BCHE: variants seen among roughly 807,000 people sequenced by gnomAD.
BCHE encodes butyrylcholinesterase, also known as cholinesterase.
A neutral mutation model predicts 51.3 loss-of-function variants in BCHE; 48 were observed. The ratio of observed to expected loss-of-function variants is 0.94; its 90% confidence interval spans 0.74 to 1.19. The LOEUF is 1.19. Ranked by LOEUF, BCHE falls within the 50% of genes most tolerant of loss-of-function variation. The pLI is 0.00. For synonymous variants in BCHE, 251 were observed against 238.0 expected (o/e 1.05, Z -0.50); for missense variants, 847 against 708.2 (o/e 1.20, Z -2.23).
chr3:165,832,426 G>T (rs2108237218), intron 1 of BCHE, among the ~76,000 whole-genome samples: 1 of 152,072 alleles, frequency 6.6e-6, no homozygotes, highest in East Asian at 1.9e-4. Context: ...CCAAGTAGCT[G>T]GGATTACAGG....
intron 2 of BCHE, among the ~76,000 whole-genome samples, chr3:165,812,363 C>T (rs1714134803): frequency 1.3e-5 from 2 of 150,346 alleles, no homozygotes; most frequent in South Asian, 2.1e-4. Flanking sequence ...AAGTATTTAT[C>T]AACATTTTTA....
chr3:165,811,156 C>T (rs1022829567), intron 2 of BCHE, among the ~76,000 whole-genome samples: 2 of 152,014 alleles, frequency 1.3e-5, no homozygotes, highest in Admixed American at 6.6e-5. Flanking sequence ...ACCCAAGAAT[C>T]GAAACTATCT....
intron 2 of BCHE, among the ~76,000 whole-genome samples, chr3:165,802,617 T>C (rs751785858): frequency 6.6e-5 from 10 of 151,104 alleles, no homozygotes; most frequent in Non-Finnish European, 1.2e-4. Flanking sequence ...ATTTTAAAAA[T>C]AGGAAAATTT....
At chr3:165,799,013 G>T (rs910023626) in intron 2 of BCHE, among the ~76,000 whole-genome samples, 2 of 152,214 alleles carry the variant, frequency 1.3e-5, no homozygotes, top group East Asian at 1.9e-4. Flanking sequence ...GTGGCTGTGG[G>T]TGACTAGCTC....
chr3:165,830,144 G>T lies in BCHE; in HGVS notation c.890C>A (p.Pro297His). The change falls in exon 2 of 4, where the codon CCC becomes CAC. Residue 297 changes from proline (P) to histidine (H), a missense_variant. Pro to His is a moderately conservative substitution (Grantham distance 77). Coordinates refer to ENST00000264381, the MANE Select transcript of BCHE (RefSeq NM_000055.4). ...EIIKCLRNKD[P>H]QEILLNEAFV... Reference sequence around the variant, plus strand: ...TGCTTCATTCAGAAGAATTTCTTGGGGATCTTTATTTCTAAGACACTTGAT... The same window carrying T: ...TGCTTCATTCAGAAGAATTTCTTGGTGATCTTTATTTCTAAGACACTTGAT... 6.2e-7 allele frequency: 1 copy of T among 1,613,832 alleles called. No individual in the cohort carries two copies. The highest frequency in any genetic ancestry group is 8.5e-7 in the Non-Finnish European group (1 of 1,179,888).
At chr3:165,777,916 A>T (rs192991275) in intron 3 of BCHE, 41 of 255,252 alleles carry the variant, frequency 1.6e-4, no homozygotes, top group Non-Finnish European at 3.1e-4. Flanking sequence ...TTACTTTATT[A>T]TAATAATATA....
intron 2 of BCHE, among the ~76,000 whole-genome samples, chr3:165,793,419 G>A (rs1713248846): frequency 6.6e-6 from 1 of 152,080 alleles, no homozygotes; most frequent in South Asian, 2.1e-4. Context: ...TACTTTAGCT[G>A]TCCTTTTTCC....
chr3:165,802,675 C>T (rs1713706864), intron 2 of BCHE, among the ~76,000 whole-genome samples: 1 of 150,870 alleles, frequency 6.6e-6, no homozygotes, highest in Non-Finnish European at 1.5e-5. Context: ...CAGAGATATA[C>T]ATTCATGAGC....
At chr3:165,782,640 T>G (rs1333553649) in intron 3 of BCHE, among the ~76,000 whole-genome samples, 1 of 152,148 alleles carries the variant, frequency 6.6e-6, no homozygotes, top group African/African-American at 2.4e-5. Flanking sequence ...TTAGAAAATA[T>G]TTTAGTCCAT....
chr3:165,829,512 C>T lies in BCHE; in HGVS notation c.1517+5G>A, dbSNP rs746800859. 3.7e-6 allele frequency: 6 copies of T among 1,610,044 alleles called. No homozygotes were observed. In the South Asian group the frequency reaches 5.5e-5, roughly 15 times the overall value. ...CAGAGAACAATGACAAAAATCAGCA[C>T]TTACCCATATTTTGCAAAATTTGCC... is the stretch of plus-strand genomic sequence containing the variant. On this transcript the variant is annotated splice_donor_5th_base_variant and intron_variant, in intron 2 of 3. Coordinates refer to ENST00000264381, the MANE Select transcript of BCHE (RefSeq NM_000055.4).
At chr3:165,811,241 T>C (rs912835019) in intron 2 of BCHE, among the ~76,000 whole-genome samples, 3 of 152,124 alleles carry the variant, frequency 2.0e-5, no homozygotes, top group Non-Finnish European at 4.4e-5. Flanking sequence ...TGTAGGCAGT[T>C]AGACTCTTGA....
intron 2 of BCHE, among the ~76,000 whole-genome samples, chr3:165,791,685 G>A (rs954221693): frequency 6.6e-6 from 1 of 152,140 alleles, no homozygotes; most frequent in Non-Finnish European, 1.5e-5. Flanking sequence ...GGGCATGATG[G>A]CTCACGCTTG....
intron 3 of BCHE, among the ~76,000 whole-genome samples, chr3:165,775,872 A>G (rs1675225187): frequency 6.6e-6 from 1 of 151,972 alleles, no homozygotes; most frequent in African/African-American, 2.4e-5. Context: ...TAAAATATTG[A>G]GTTTGAAGTA....
chr3:165,824,471 C>T (rs1196302655), intron 2 of BCHE, among the ~76,000 whole-genome samples: 1 of 151,968 alleles, frequency 6.6e-6, no homozygotes, highest in East Asian at 1.9e-4. Context: ...AAATTGTGAA[C>T]TCATCCCTCT....
At chr3:165,793,491 T>G (rs1000281274) in intron 2 of BCHE, among the ~76,000 whole-genome samples, 2 of 152,176 alleles carry the variant, frequency 1.3e-5, no homozygotes, top group Non-Finnish European at 2.9e-5. Context: ...GTTCACAGCC[T>G]GAAATTGTGC....
intron 3 of BCHE, among the ~76,000 whole-genome samples, chr3:165,774,614 A>C (rs913510680): frequency 3.9e-5 from 6 of 152,156 alleles, no homozygotes; most frequent in Non-Finnish European, 7.3e-5. Context: ...TGCTGGGAAT[A>C]GTCATGAACC....
At chr3:165,791,632 CAAG>C (rs1416574967) in intron 2 of BCHE, among the ~76,000 whole-genome samples, 1 of 152,062 alleles carries the variant, frequency 6.6e-6, no homozygotes, top group Non-Finnish European at 1.5e-5. Flanking sequence ...GGAAAGACTG[CAAG>C]AAGAGCACGT....
intron 2 of BCHE, among the ~76,000 whole-genome samples, chr3:165,815,590 G>A (rs1238610151): frequency 6.6e-6 from 1 of 152,012 alleles, no homozygotes; most frequent in Non-Finnish European, 1.5e-5. Flanking sequence ...TTTAATTGAT[G>A]TAATTTTTAA....
intron 2 of BCHE, among the ~76,000 whole-genome samples, chr3:165,817,580 T>C (rs1294525111): frequency 2.0e-5 from 3 of 152,042 alleles, no homozygotes; most frequent in African/African-American, 7.2e-5. Context: ...GTCTTAGAGG[T>C]TGTTCTCTCT....
Sources: allele counts gnomAD v4.1 joint callset (sites outside exome capture counted in the v4.1 genomes callset), GRCh38; gene constraint gnomAD v4.1.1; transcripts MANE v1.5; gene names NCBI Gene and HGNC (gene_info 2026-07-23, HGNC 2026-07-21).